The following PCLO variants were observed in gnomAD, a reference collection of about 807,000 sequenced individuals.
PCLO encodes the protein protein piccolo.
A neutral mutation model predicts 427.5 loss-of-function variants in PCLO; 82 were observed. That is an observed-to-expected ratio of 0.19 (90% CI 0.16 to 0.23). The LOEUF (loss-of-function observed/expected upper bound fraction) is 0.23. Ranked by LOEUF, PCLO falls within the 10% of genes least tolerant of loss-of-function variation. PCLO has a pLI of 1.00. For missense variants in PCLO, 6,239 were observed against 6,115.9 expected (o/e 1.02, Z -0.67); for synonymous variants, 2,357 against 2,155.4 (o/e 1.09, Z -2.59).
At chr7:83,046,100 CTTG>C (rs1391830287) in intron 3 of PCLO, among the ~76,000 whole-genome samples, 2 of 152,160 alleles carry the variant, frequency 1.3e-5, no homozygotes, top group East Asian at 3.9e-4. Flanking sequence ...CTAATCTCCT[CTTG>C]TTGTAAGAAC....
chr7:83,162,833 A>G lies in PCLO; in HGVS notation c.-241T>C, dbSNP rs956928447. ...GACAGCGCCAGGCAACCTTTGCAGAAGACACCTCCCGGACGCCGCCTCGGC... is the reference window on the plus strand; with the variant it reads ...GACAGCGCCAGGCAACCTTTGCAGAGGACACCTCCCGGACGCCGCCTCGGC... On this transcript the variant is annotated 5_prime_UTR_variant, in exon 1 of 25. Coordinates refer to ENST00000333891, the MANE Select transcript of PCLO (RefSeq NM_033026.6). 5.5e-6 allele frequency: 3 copies of G among 550,448 alleles called. No individual in the cohort carries two copies. Among genetic ancestry groups the G allele is most frequent in the Admixed American group, 3.7e-5 (1 of 27,156 alleles). 34.1% of individuals were successfully genotyped at this position (550,448 alleles called of 1,614,324 possible). A position where few individuals can be genotyped will look rare whatever the true frequency, so the allele number is the denominator to read the frequency against.
At chr7:83,024,113 G>A (rs945141062) in intron 3 of PCLO, among the ~76,000 whole-genome samples, 1 of 152,152 alleles carries the variant, frequency 6.6e-6, no homozygotes, top group Non-Finnish European at 1.5e-5. Context: ...CAAGATGGCC[G>A]AATAGGAACA....
chr7:82,888,161 G>A (rs1248521052), intron 9 of PCLO, among the ~76,000 whole-genome samples: 1 of 152,052 alleles, frequency 6.6e-6, no homozygotes, highest in African/African-American at 2.4e-5. Flanking sequence ...ATATGAGAAA[G>A]GAGAAATTCA....
At chr7:83,141,223 T>C (rs1791851389) in intron 2 of PCLO, among the ~76,000 whole-genome samples, 1 of 152,132 alleles carries the variant, frequency 6.6e-6, no homozygotes, top group Admixed American at 6.6e-5. Context: ...TACAACGATA[T>C]CAATGTGTCC....
intron 6 of PCLO, among the ~76,000 whole-genome samples, chr7:82,942,484 T>C (rs1584189936): frequency 6.6e-6 from 1 of 152,170 alleles, no homozygotes; most frequent in African/African-American, 2.4e-5. Context: ...TCCTTCTTTA[T>C]AAAAAGTTTT....
intron 3 of PCLO, among the ~76,000 whole-genome samples, chr7:82,993,333 T>C (rs978536572): frequency 6.6e-6 from 1 of 152,138 alleles, no homozygotes; most frequent in Admixed American, 6.6e-5. Flanking sequence ...AATTACAGGA[T>C]CTTCATTGCT....
In PCLO at chr7:82,956,799, T is replaced by A; in HGVS notation, c.4154A>T (p.Glu1385Val). ...GEIPSLIPTD[E>V]KDILKGLKKD... is the part of the protein sequence containing the mutation. ...TTTGAGTCCCTTGAGAATATCCTTT[T>A]CATCAGTTGGAATAAGACTTGGAAT... Residue 1385 changes from glutamate to valine, a missense_variant, in exon 5 of 25, where the codon GAA (glutamate) becomes GTA (valine). Glu to Val is a moderately radical substitution (Grantham distance 121). Coordinates refer to ENST00000333891, the MANE Select transcript of PCLO (RefSeq NM_033026.6). 6.2e-7 allele frequency: 1 copy of A among 1,613,776 alleles called. No homozygotes were observed. Among genetic ancestry groups the A allele is most frequent in the Non-Finnish European group, 8.5e-7 (1 of 1,179,720 alleles).
chr7:83,055,736 T>C (rs982801383), intron 3 of PCLO, among the ~76,000 whole-genome samples: 1 of 152,192 alleles, frequency 6.6e-6, no homozygotes, highest in African/African-American at 2.4e-5. Context: ...TCTAGAATAT[T>C]GTGTTTTGTT....
At chr7:82,851,485 A>G (rs1792653371) in intron 10 of PCLO, among the ~76,000 whole-genome samples, 1 of 152,090 alleles carries the variant, frequency 6.6e-6, no homozygotes, top group African/African-American at 2.4e-5. Flanking sequence ...ATAAATACCA[A>G]GCATCTCATA....
chr7:83,090,429 T>C (rs1165272592), intron 3 of PCLO, among the ~76,000 whole-genome samples: 1 of 152,166 alleles, frequency 6.6e-6, no homozygotes, highest in Non-Finnish European at 1.5e-5. Context: ...TACTAGAACG[T>C]TGCATTCCAA....
intron 9 of PCLO, among the ~76,000 whole-genome samples, chr7:82,896,494 A>T (rs923071183): frequency 6.6e-6 from 1 of 151,696 alleles, no homozygotes; most frequent in Non-Finnish European, 1.5e-5. Context: ...TGGATGAGGG[A>T]TGTTGGAAGC....
intron 20 of PCLO, among the ~76,000 whole-genome samples, chr7:82,817,839 A>G (rs1465799161): frequency 1.3e-5 from 2 of 152,100 alleles, no homozygotes; most frequent in African/African-American, 2.4e-5. Flanking sequence ...GGGTAGAGGG[A>G]TATTTCTCCT....
rs764433064 is a variant in PCLO at position 82,915,433 on chromosome 7, A to T, written c.12553T>A (p.Tyr4185Asn). The T allele has an allele frequency of 1.2e-6, 2 of 1,613,600 alleles. No homozygotes were observed. Among genetic ancestry groups the T allele is most frequent in the Non-Finnish European group, 1.7e-6 (2 of 1,179,728 alleles). Residue 4185 changes from tyrosine to asparagine, a missense_variant, in exon 7 of 25, where the codon TAT (tyrosine) becomes AAT (asparagine). Around this residue, in one of 5 missense-constraint regions of PCLO, gnomAD observed 680 missense variants for 677.3 expected, o/e 1.00. Coordinates refer to ENST00000333891, the MANE Select transcript of PCLO (RefSeq NM_033026.6). ...AAKQLPAAIL[Y>N]QKQSKHKKSL... is the part of the protein sequence containing the mutation. ...TTCTTATGCTTTGACTGCTTTTGAT[A>T]AAGTATGGCTGCTGGCAGTTGTTTT...
At chr7:82,795,728 C>T (rs1791209997) in intron 22 of PCLO, among the ~76,000 whole-genome samples, 1 of 152,082 alleles carries the variant, frequency 6.6e-6, no homozygotes, top group South Asian at 2.1e-4. Context: ...TCTATATCTC[C>T]TACTGTCTTG....
chr7:83,070,835 T>C (rs1789797221), intron 3 of PCLO, among the ~76,000 whole-genome samples: 1 of 152,156 alleles, frequency 6.6e-6, no homozygotes, highest in South Asian at 2.1e-4. Context: ...ACTCAGCCAT[T>C]TCAACATGGA....
At chr7:82,830,001 A>T (rs560144774) in intron 16 of PCLO, among the ~76,000 whole-genome samples, 1 of 152,132 alleles carries the variant, frequency 6.6e-6, no homozygotes, top group African/African-American at 2.4e-5. Context: ...ACATAAAATC[A>T]TGTGAAATAA....
intron 3 of PCLO, among the ~76,000 whole-genome samples, chr7:83,064,549 CA>C (rs1167962988): frequency 2.6e-5 from 4 of 151,928 alleles, no homozygotes; most frequent in Non-Finnish European, 1.5e-5. Context: ...AAAACACTAG[CA>C]TAGGGCCTGG....
chr7:83,011,888 T>A (rs773908964), intron 3 of PCLO, among the ~76,000 whole-genome samples: 13 of 152,164 alleles, frequency 8.5e-5, no homozygotes, highest in Non-Finnish European at 1.0e-4. Context: ...TCAACAGACA[T>A]TCAGCATCTT....
At chr7:82,825,092 T>G (rs1395971078) in intron 18 of PCLO, among the ~76,000 whole-genome samples, 1 of 152,164 alleles carries the variant, frequency 6.6e-6, no homozygotes, top group Non-Finnish European at 1.5e-5. Flanking sequence ...TACAAACTTA[T>G]TTATTCTATT....
Sources: gnomAD v4.1 joint callset for allele counts (sites outside exome capture counted in the v4.1 genomes callset) on GRCh38, gnomAD v4.1.1 for gene constraint, gnomAD v4.1.1 regional missense constraint, MANE v1.5 for transcripts, NCBI Gene and HGNC (gene_info 2026-07-23, HGNC 2026-07-21) for gene names.